Variants in ZC3H12B observed in about 807,000 individuals in gnomAD.
The protein encoded by ZC3H12B is zinc finger CCCH-type containing 12B.
In ZC3H12B, 7 loss-of-function variants were observed where a neutral mutation model predicts 43.9. The ratio of observed to expected loss-of-function variants is 0.16; its 90% CI spans 0.09 to 0.30. The LOEUF (loss-of-function observed/expected upper bound fraction) is 0.30, where lower values mean the gene tolerates loss of function less well. ZC3H12B is among the 10% of genes least tolerant of loss of function. The pLI, the probability that ZC3H12B is intolerant of heterozygous loss-of-function variation, is 1.00. For synonymous variants in ZC3H12B, 222 were observed against 241.7 expected (o/e 0.92, Z 0.76); for missense variants, 475 against 670.2 (o/e 0.71, Z 3.22).
At chrX:65,125,890 G>A in the ZC3H12B span, among the ~76,000 whole-genome samples, 31 of 110,969 alleles carry the variant, frequency 2.8e-4, no homozygotes, top group Non-Finnish European at 5.5e-4. Context: ...CCTGAAAGTA[G>A]CATAAACTTG....
At chrX:65,238,502 C>T in the ZC3H12B span, among the ~76,000 whole-genome samples, 5 of 110,796 alleles carry the variant, frequency 4.5e-5, no homozygotes, top group South Asian at 3.7e-4. Flanking sequence ...CTTTATTAGT[C>T]TAGATAACAT....
At chrX:65,483,178 A>T (rs1375142293) in intron 3 of ZC3H12B, among the ~76,000 whole-genome samples, 2 of 111,875 alleles carry the variant, frequency 1.8e-5, no homozygotes, top group Non-Finnish European at 3.8e-5. Context: ...GGCTGACAAG[A>T]GTGCTCTAAT....
chrX:65,415,620 C>A (rs755193707), intron 3 of ZC3H12B, among the ~76,000 whole-genome samples: 3 of 111,784 alleles, frequency 2.7e-5, no homozygotes, highest in African/African-American at 6.5e-5. Flanking sequence ...GCATGTCTGA[C>A]CCTGACTTCC....
the ZC3H12B span, among the ~76,000 whole-genome samples, chrX:65,321,931 C>T: frequency 9.0e-6 from 1 of 110,688 alleles, no homozygotes; most frequent in African/African-American, 3.3e-5. Context: ...GAAAGATTAC[C>T]TATCAGGTAC....
Position 65,469,315 on chromosome X carries a change from T to A in ZC3H12B, n.408-19331T>A, listed in dbSNP as rs1434948745. 2.8e-5 allele frequency: 9 copies of A among 321,478 alleles called. 1 individual carries two copies. The highest frequency in any genetic ancestry group is 5.4e-5 in the African/African-American group (2 of 36,882). 26.5% of individuals were successfully genotyped at this position (321,478 alleles called of 1,213,427 possible). On this transcript the variant is annotated intron_variant and non_coding_transcript_variant, in intron 3 of 5. Transcript: ENST00000617377. ...CGCATCAAGTACAAGAAGAACGAGG[T>A]CTTCATTGATGTTATAGAGTCTGCC...
intron 3 of ZC3H12B, among the ~76,000 whole-genome samples, chrX:65,444,663 A>G (rs1172652041): frequency 8.9e-6 from 1 of 112,088 alleles, no homozygotes; most frequent in African/African-American, 3.2e-5. Flanking sequence ...TACTGAAAAG[A>G]CACCTGAAAA....
the ZC3H12B span, among the ~76,000 whole-genome samples, chrX:65,346,256 T>A: frequency 6.9e-5 from 7 of 101,846 alleles, no homozygotes; most frequent in African/African-American, 2.6e-4. Flanking sequence ...AGAATGGTAC[T>A]AGTAAAAAAA....
At chrX:65,268,766 A>G in the ZC3H12B span, among the ~76,000 whole-genome samples, 2 of 111,940 alleles carry the variant, frequency 1.8e-5, no homozygotes, top group Non-Finnish European at 3.8e-5. Flanking sequence ...AATAAAGGCC[A>G]TATATGAAAA....
chrX:65,369,224 G>T (rs1243235655), intron 2 of ZC3H12B, among the ~76,000 whole-genome samples: 1 of 111,395 alleles, frequency 9.0e-6, no homozygotes, highest in Non-Finnish European at 1.9e-5. Flanking sequence ...GGAATTAACA[G>T]GAAATCATCA....
At chrX:65,412,129 T>G (rs1212129292) in intron 3 of ZC3H12B, among the ~76,000 whole-genome samples, 1 of 111,344 alleles carries the variant, frequency 9.0e-6, no homozygotes, top group Non-Finnish European at 1.9e-5. Context: ...CTTTACCCAT[T>G]AAGCAGTTTC....
At chrX:65,224,869 G>A in the ZC3H12B span, among the ~76,000 whole-genome samples, 19 of 112,184 alleles carry the variant, frequency 1.7e-4, no homozygotes, top group East Asian at 2.5e-3. Flanking sequence ...CAAAGCAGCC[G>A]GGAAGCTCAA....
chrX:65,402,743 T>A (rs1464720161), intron 3 of ZC3H12B, among the ~76,000 whole-genome samples: 1 of 112,632 alleles, frequency 8.9e-6, no homozygotes, highest in African/African-American at 3.2e-5. Flanking sequence ...CTTCTATGAG[T>A]CTGCAAGAAC....
At chrX:65,159,557 G>A in the ZC3H12B span, among the ~76,000 whole-genome samples, 1 of 111,317 alleles carries the variant, frequency 9.0e-6, no homozygotes, top group African/African-American at 3.3e-5. Flanking sequence ...TCATGATTTG[G>A]CTCTCTGTCT....
the ZC3H12B span, among the ~76,000 whole-genome samples, chrX:65,211,735 T>C: frequency 1.2e-5 from 1 of 86,239 alleles, no homozygotes; most frequent in Non-Finnish European, 2.1e-5. Flanking sequence ...TATGTAATAA[T>C]ATATATATTA....
chrX:65,471,167 C>G (rs1316022651), intron 3 of ZC3H12B, among the ~76,000 whole-genome samples: 1 of 111,593 alleles, frequency 9.0e-6, no homozygotes, highest in African/African-American at 3.3e-5. Context: ...TTTCTCTTCT[C>G]TTAAGTCTAT....
chrX:65,385,267 C>A (rs2066505948), intron 2 of ZC3H12B, among the ~76,000 whole-genome samples: 1 of 111,931 alleles, frequency 8.9e-6, no homozygotes, highest in African/African-American at 3.2e-5. Context: ...GATTTTGATT[C>A]TTTCTATCCA....
At chrX:65,282,090 A>T in the ZC3H12B span, among the ~76,000 whole-genome samples, 1 of 111,964 alleles carries the variant, frequency 8.9e-6, no homozygotes, top group South Asian at 3.7e-4. Flanking sequence ...TTAATGCAGA[A>T]GGAAATTAAC....
At chrX:65,364,174 G>T (rs185080548), upstream of ZC3H12B, among the ~76,000 whole-genome samples, 1 of 110,614 alleles carries the variant, frequency 9.0e-6, no homozygotes, top group Non-Finnish European at 1.9e-5. Context: ...TATCATTGAG[G>T]CTACCGCTCT....
intron 3 of ZC3H12B, among the ~76,000 whole-genome samples, chrX:65,450,893 G>A (rs2067495688): frequency 1.2e-5 from 1 of 82,662 alleles, no homozygotes; most frequent in Non-Finnish European, 2.3e-5. Context: ...GTGTATATAT[G>A]TATATATATA....
Sources: allele counts gnomAD v4.1 joint callset (sites outside exome capture counted in the v4.1 genomes callset), GRCh38; gene constraint gnomAD v4.1.1; transcripts MANE v1.5; gene names NCBI Gene and HGNC (gene_info 2026-07-23, HGNC 2026-07-21).